ACER2: variants seen among roughly 807,000 people sequenced by gnomAD.
ACER2 encodes the protein alkaline ceramidase 2, also known as alkCDase 2.
Under a neutral mutation model 34.7 loss-of-function variants are expected in ACER2, and 26 were observed. That is an observed-to-expected ratio of 0.75 (90% CI 0.55 to 1.04). The LOEUF (loss-of-function observed/expected upper bound fraction) is 1.04. ACER2 is among the 50% of genes least tolerant of loss of function. The pLI, the probability that ACER2 is intolerant of heterozygous loss-of-function variation, is 0.00. For missense variants in ACER2, 352 were observed against 340.8 expected (o/e 1.03, Z -0.26); for synonymous variants, 138 against 132.1 (o/e 1.04, Z -0.31).
intron 1 of ACER2, among the ~76,000 whole-genome samples, chr9:19,419,035 A>T (rs1234424047): frequency 4.6e-5 from 7 of 152,044 alleles, no homozygotes; most frequent in Admixed American, 2.0e-4. Context: ...ATAAAAATAG[A>T]AAAAAATTAG....
chr9:19,450,403 G>T, intron 5 of ACER2, 47 bp from the exon 6 acceptor site: 3 of 1,508,292 alleles, frequency 2.0e-6, no homozygotes, highest in Non-Finnish European at 1.8e-6. Context: ...TCAGGGCAGC[G>T]GAGTCTTCAT....
At chr9:19,413,319 C>T (rs1830144875) in intron 1 of ACER2, among the ~76,000 whole-genome samples, 1 of 152,218 alleles carries the variant, frequency 6.6e-6, no homozygotes, top group South Asian at 2.1e-4. Context: ...GACCCCCTGG[C>T]TGGGCGCGGT....
intron 5 of ACER2, chr9:19,450,118 C>T (rs1399498065): frequency 1.2e-6 from 1 of 810,264 alleles, no homozygotes; most frequent in Non-Finnish European, 1.5e-6. Context: ...CAGATGTGCT[C>T]AGTTACTTCC....
intron 3 of ACER2, among the ~76,000 whole-genome samples, chr9:19,434,003 C>T (rs1830855846): frequency 1.4e-5 from 2 of 147,924 alleles, no homozygotes; most frequent in South Asian, 2.1e-4. Flanking sequence ...GGAGACGCTC[C>T]TCACTTCTCA....
chr9:19,424,953 A>G, intron 3 of ACER2, 112 bp downstream of exon 3: 2 of 1,321,784 alleles, frequency 1.5e-6, no homozygotes, highest in Non-Finnish European at 2.1e-6. Flanking sequence ...TGATGAGCTT[A>G]TCATATACTT....
chr9:19,428,056 T>TCCTTTCCTTTCCTTC, intron 3 of ACER2, among the ~76,000 whole-genome samples: 1 of 139,886 alleles, frequency 7.1e-6, no homozygotes, highest in East Asian at 2.0e-4. Context: ...TCCTTTCCTT[T>TCCTTTCCTTTCCTTC]CCTTTCCTTT....
intron 1 of ACER2, among the ~76,000 whole-genome samples, chr9:19,421,119 C>T (rs1030024662): frequency 1.3e-5 from 2 of 152,102 alleles, no homozygotes; most frequent in Admixed American, 1.3e-4. Flanking sequence ...TGTAACACAA[C>T]AGTAAATATT....
intron 1 of ACER2, among the ~76,000 whole-genome samples, chr9:19,423,584 C>T (rs951174907): frequency 2.0e-5 from 3 of 152,072 alleles, no homozygotes; most frequent in African/African-American, 7.2e-5. Context: ...GCCTGTAATC[C>T]CAGCTACTCA....
intron 4 of ACER2, among the ~76,000 whole-genome samples, chr9:19,435,496 T>C (rs889546183): frequency 1.3e-5 from 2 of 152,260 alleles, no homozygotes; most frequent in South Asian, 2.1e-4. Flanking sequence ...CAGTTGACTA[T>C]GATACTTTCT....
chr9:19,409,535 C>G (rs992888424), intron 1 of ACER2, among the ~76,000 whole-genome samples: 1 of 152,050 alleles, frequency 6.6e-6, no homozygotes, highest in African/African-American at 2.4e-5. Context: ...CCTGCCGGGA[C>G]AAGTCTCTTC....
chr9:19,422,471 A>G (rs1323157839), intron 1 of ACER2, among the ~76,000 whole-genome samples: 2 of 152,244 alleles, frequency 1.3e-5, no homozygotes, highest in Non-Finnish European at 2.9e-5. Context: ...CAAAATCTGC[A>G]AGATAAAATA....
chr9:19,409,961 G>T, intron 1 of ACER2: 1 of 984,118 alleles, frequency 1.0e-6, no homozygotes, highest in Non-Finnish European at 1.2e-6. Flanking sequence ...AGTTCTTGTG[G>T]TAGGGAAGGG....
intron 2 of ACER2, chr9:19,424,285 G>T: frequency 1.2e-6 from 1 of 866,476 alleles, no homozygotes; most frequent in Non-Finnish European, 1.4e-6. Context: ...GTTTCTAATG[G>T]ACTAAAATTA....
intron 1 of ACER2, among the ~76,000 whole-genome samples, chr9:19,410,169 G>C (rs541508930): frequency 8.5e-5 from 13 of 152,370 alleles, no homozygotes; most frequent in African/African-American, 3.1e-4. Context: ...ATTTGCTAGA[G>C]AGAATGTCTT....
chr9:19,425,326 C>T lies in ACER2; in HGVS notation c.365+485C>T, dbSNP rs550212118. Among the ~76,000 whole-genome samples the T allele has an allele frequency of 9.2e-5, 14 of 152,228 alleles. No individual in the cohort carries two copies. In the South Asian group the frequency reaches 1.7e-3, roughly 18 times the overall value. ...CAGATGAGAGCTGTGCACCTGCGTG[C>T]GTGCGCGTGCACACACACACATACA... On this transcript the variant is annotated intron_variant, in intron 3 of 5. Coordinates refer to ENST00000340967, the MANE Select transcript of ACER2 (RefSeq NM_001010887.3).
intron 1 of ACER2, among the ~76,000 whole-genome samples, chr9:19,420,731 A>G (rs1267093660): frequency 6.6e-6 from 1 of 152,198 alleles, no homozygotes; most frequent in African/African-American, 2.4e-5. Flanking sequence ...CATTTCTTAC[A>G]GTTCTAGAGG....
chr9:19,414,991 T>C (rs1830199654), intron 1 of ACER2, among the ~76,000 whole-genome samples: 2 of 152,234 alleles, frequency 1.3e-5, no homozygotes, highest in Admixed American at 6.5e-5. Flanking sequence ...GTATTTCTTT[T>C]GGTGTTCCTT....
At position 19,423,921 on chromosome 9, in the gene ACER2, T is replaced by C. The variant is rs1423694945; in HGVS notation, c.168T>C (p.Tyr56=). 1.2e-6 allele frequency: 2 copies of C among 1,614,082 alleles called. No homozygotes were observed. Among genetic ancestry groups the C allele is most frequent in the African/African-American group, 1.3e-5 (1 of 74,946 alleles). ...TCTGCATGTGCTTGTTTCGTCAGTA[T>C]GCAACATGCTTCAACAGTGGCATCT... is the stretch of plus-strand genomic sequence containing the variant. The part of the protein sequence containing the change: ...PPICMCLFRQ[Y]ATCFNSGIYL... Residue 56 remains tyrosine, a synonymous_variant, in exon 2 of 6, where the codon TAT becomes TAC. Transcript: ENST00000340967.
intron 5 of ACER2, among the ~76,000 whole-genome samples, chr9:19,447,730 CAAACTT>C (rs1381697128): frequency 6.6e-6 from 1 of 152,134 alleles, no homozygotes; most frequent in Non-Finnish European, 1.5e-5. Context: ...AATTTTGACT[CAAACTT>C]AATGTGTTTC....
Sources: gnomAD v4.1 joint callset for allele counts (sites outside exome capture counted in the v4.1 genomes callset) on GRCh38, gnomAD v4.1.1 for gene constraint, MANE v1.5 for transcripts, NCBI Gene and HGNC (gene_info 2026-07-23, HGNC 2026-07-21) for gene names.